Variants in GLO1 observed in about 807,000 individuals in gnomAD.
The protein encoded by GLO1 is lactoylglutathione lyase.
GLO1 carries 28 observed loss-of-function variants against 26.0 expected under a neutral mutation model. The observed-to-expected ratio is 1.08, with a 90% CI of 0.80 to 1.48. The LOEUF (loss-of-function observed/expected upper bound fraction) is 1.48. Ranked by LOEUF, GLO1 falls within the 40% of genes most tolerant of loss-of-function variation. The pLI, the probability that GLO1 is intolerant of heterozygous loss-of-function variation, is 0.00. For synonymous variants in GLO1, 78 were observed against 77.6 expected (o/e 1.00, Z -0.03); for missense variants, 225 against 224.8 (o/e 1.00, Z -0.01).
At position 38,677,334 on chromosome 6, in the gene GLO1, A is replaced by G. The variant is rs1278177538; in HGVS notation, c.516T>C (p.Ile172=). The change falls in exon 6 of 6, where the codon ATT becomes ATC. Residue 172 remains isoleucine, a synonymous_variant. Transcript: ENST00000373365. ...CCATTTTGTTAGGATTCAAAATTTC[A>G]ATCCAGTAGCCATCAGGATCTTGAA... is the stretch of plus-strand genomic sequence containing the variant. ...AFIQDPDGYW[I]EILNPNKMAT... is the part of the protein sequence containing the mutation. 5 of 1,569,346 alleles carry G rather than the reference A, an allele frequency of 3.2e-6. No homozygotes were observed. Among genetic ancestry groups the G allele is most frequent in the Non-Finnish European group, 1.8e-6 (2 of 1,139,222 alleles).
chr6:38,700,091 T>G (rs1761675669), intron 1 of GLO1, among the ~76,000 whole-genome samples: 1 of 152,236 alleles, frequency 6.6e-6, no homozygotes, highest in Non-Finnish European at 1.5e-5. Context: ...TACTGATATG[T>G]GATGTCACCC....
intron 1 of GLO1, 56 bp downstream of exon 1, chr6:38,702,915 G>T (rs1761726684): frequency 2.9e-6 from 3 of 1,020,028 alleles, no homozygotes; most frequent in Non-Finnish European, 4.6e-6. Flanking sequence ...ATAGAATGCG[G>T]CCCGGTCCCG....
At chr6:38,693,719 G>A (rs145743803) in intron 1 of GLO1, among the ~76,000 whole-genome samples, 1 of 114,990 alleles carries the variant, frequency 8.7e-6, no homozygotes, top group Non-Finnish European at 1.8e-5. Context: ...GTTTTGTTTT[G>A]TTTTGTTTTG....
At chr6:38,682,378 C>T (rs1297551075) in intron 4 of GLO1, among the ~76,000 whole-genome samples, 1 of 152,022 alleles carries the variant, frequency 6.6e-6, no homozygotes, top group Non-Finnish European at 1.5e-5. Flanking sequence ...ATAATCGACA[C>T]CAAAAAACAG....
chr6:38,692,867 T>C (rs1008036515), intron 1 of GLO1, among the ~76,000 whole-genome samples: 1 of 150,522 alleles, frequency 6.6e-6, no homozygotes, highest in Non-Finnish European at 1.5e-5. Flanking sequence ...GCTTGCATCC[T>C]AGATATAAAC....
chr6:38,690,740 GAT>G (rs1289268841), intron 1 of GLO1, among the ~76,000 whole-genome samples: 2 of 151,932 alleles, frequency 1.3e-5, no homozygotes, highest in Admixed American at 1.3e-4. Flanking sequence ...AAAAAAGTAA[GAT>G]ATATTCAACG....
At chr6:38,690,718 C>G (rs137870901) in intron 1 of GLO1, among the ~76,000 whole-genome samples, 33 of 145,328 alleles carry the variant, frequency 2.3e-4, no homozygotes, top group African/African-American at 7.6e-4. Context: ...TTTAAAAAGT[C>G]TATACGTGGC....
intron 1 of GLO1, among the ~76,000 whole-genome samples, chr6:38,699,757 T>A (rs1761669436): frequency 6.6e-6 from 1 of 152,252 alleles, no homozygotes; most frequent in East Asian, 1.9e-4. Context: ...CTAGTAAATT[T>A]GTGGTCAGAC....
chr6:38,694,851 A>G (rs1761586623), intron 1 of GLO1, among the ~76,000 whole-genome samples: 1 of 152,160 alleles, frequency 6.6e-6, no homozygotes. Context: ...TCACTGTATA[A>G]TGTACTTCTT....
intron 1 of GLO1, among the ~76,000 whole-genome samples, chr6:38,695,433 A>G (rs557811894): frequency 5.0e-4 from 76 of 152,112 alleles, no homozygotes; most frequent in Non-Finnish European, 9.1e-4. Context: ...ACATCATTTT[A>G]TTAGTTTGAA....
intron 1 of GLO1, among the ~76,000 whole-genome samples, chr6:38,689,301 C>A (rs1345329580): frequency 6.6e-6 from 1 of 152,202 alleles, no homozygotes; most frequent in Non-Finnish European, 1.5e-5. Flanking sequence ...TCCAACCAAG[C>A]TGCACCCAAC....
chr6:38,686,252 G>A (rs1761458534), intron 2 of GLO1, among the ~76,000 whole-genome samples: 1 of 152,092 alleles, frequency 6.6e-6, no homozygotes, highest in African/African-American at 2.4e-5. Context: ...CAATGTGAAT[G>A]GAAGTTATCT....
chr6:38,695,032 A>G (rs1055126752), intron 1 of GLO1, among the ~76,000 whole-genome samples: 1 of 152,190 alleles, frequency 6.6e-6, no homozygotes, highest in Non-Finnish European at 1.5e-5. Context: ...CAGCTGGGGC[A>G]TGTTTTTTAA....
intron 1 of GLO1, among the ~76,000 whole-genome samples, chr6:38,700,595 G>A (rs1438581843): frequency 1.3e-5 from 2 of 152,036 alleles, no homozygotes; most frequent in African/African-American, 4.8e-5. Flanking sequence ...ACCTCCCAGG[G>A]TGCTCTCAGG....
At chr6:38,696,898 GC>G (rs1426749015) in intron 1 of GLO1, among the ~76,000 whole-genome samples, 1 of 150,772 alleles carries the variant, frequency 6.6e-6, no homozygotes, top group African/African-American at 2.4e-5. Flanking sequence ...GTGTTATATT[GC>G]CCCCAACAGA....
rs772019736 is a variant in GLO1 at position 38,676,257 on chromosome 6, ATAAT to A, written c.*1034_*1037del. On this transcript the variant is annotated 3_prime_UTR_variant, in exon 6 of 6. Coordinates refer to ENST00000373365, the MANE Select transcript of GLO1 (RefSeq NM_006708.3). ...TCTGATAACTAAGTTATCACTGAACATAATTTATCATATATGGCTACTGGCATCA... is the reference window on the plus strand; with the variant it reads ...TCTGATAACTAAGTTATCACTGAACATTATCATATATGGCTACTGGCATCA... The A allele has an allele frequency of 8.5e-5, 13 of 152,228 alleles. No individual in the cohort carries two copies. The highest frequency in any genetic ancestry group is 1.9e-4 in the Non-Finnish European group (13 of 68,034). The allele number at this position is 152,228 out of a possible 1,614,324, so 9.4% of individuals were successfully genotyped here. A position where few individuals can be genotyped will look rare whatever the true frequency, so the allele number is the denominator to read the frequency against.
chr6:38,680,418 G>A (rs1380045233), intron 5 of GLO1, among the ~76,000 whole-genome samples: 2 of 152,202 alleles, frequency 1.3e-5, no homozygotes, highest in Non-Finnish European at 2.9e-5. Context: ...CTACTCGGGA[G>A]GCTGAGGCAA....
intron 5 of GLO1, among the ~76,000 whole-genome samples, chr6:38,680,082 T>C (rs1171556173): frequency 3.3e-5 from 5 of 152,190 alleles, no homozygotes; most frequent in Non-Finnish European, 7.4e-5. Context: ...GACAGATTTT[T>C]CAACAGCAAC....
At chr6:38,678,556 T>A (rs948259917) in intron 5 of GLO1, among the ~76,000 whole-genome samples, 6 of 152,186 alleles carry the variant, frequency 3.9e-5, no homozygotes, top group Non-Finnish European at 8.8e-5. Flanking sequence ...CAGAAGGCAG[T>A]GCATAATGGC....
Sources: gnomAD v4.1 joint callset for allele counts (sites outside exome capture counted in the v4.1 genomes callset) on GRCh38, gnomAD v4.1.1 for gene constraint, MANE v1.5 for transcripts, NCBI Gene and HGNC (gene_info 2026-07-23, HGNC 2026-07-21) for gene names.